The following KCNMA1 variants were observed in gnomAD, a reference collection of about 807,000 sequenced individuals.
KCNMA1 encodes the protein Calcium-activated potassium channel subunit alpha-1.
Under a neutral mutation model 140.0 loss-of-function variants are expected in KCNMA1, and 29 were observed. That is an observed-to-expected ratio of 0.21 (90% CI 0.15 to 0.28). The LOEUF is 0.28. KCNMA1 is among the 10% of genes least tolerant of loss of function. The pLI is 1.00. For missense variants in KCNMA1, 880 were observed against 1,602.2 expected (o/e 0.55, Z 7.70); for synonymous variants, 612 against 611.9 (o/e 1.00, Z 0.00).
intron 1 of KCNMA1, among the ~76,000 whole-genome samples, chr10:77,605,606 G>A (rs2084212218): frequency 6.6e-6 from 1 of 152,174 alleles, no homozygotes. Flanking sequence ...CCTCTGCTGG[G>A]ACAGTCGTCA....
chr10:77,083,854 G>T (rs1023601627), intron 12 of KCNMA1, among the ~76,000 whole-genome samples: 3 of 151,380 alleles, frequency 2.0e-5, no homozygotes, highest in East Asian at 3.9e-4. Context: ...AAACGGGGGG[G>T]GGTTGGGGGA....
At chr10:77,045,722 T>A (rs1204728280) in intron 14 of KCNMA1, among the ~76,000 whole-genome samples, 1 of 152,184 alleles carries the variant, frequency 6.6e-6, no homozygotes, top group Non-Finnish European at 1.5e-5. Flanking sequence ...TTCCTCTGAT[T>A]AGAGTGAAAC....
At chr10:77,250,457 C>A (rs2059453839) in intron 3 of KCNMA1, 1 of 152,596 alleles carries the variant, frequency 6.6e-6, no homozygotes, top group Non-Finnish European at 1.5e-5. Context: ...GGAATCAGGG[C>A]AGAACTGGCT....
At chr10:77,214,791 C>T (rs528069811) in intron 3 of KCNMA1, among the ~76,000 whole-genome samples, 3 of 152,304 alleles carry the variant, frequency 2.0e-5, no homozygotes, top group African/African-American at 7.2e-5. Flanking sequence ...TCTGCCATCT[C>T]CTTGCCCTGT....
chr10:76,960,034 T>C (rs1401346770), intron 20 of KCNMA1, among the ~76,000 whole-genome samples: 3 of 152,188 alleles, frequency 2.0e-5, no homozygotes, highest in Admixed American at 6.5e-5. Flanking sequence ...CCTCCCACTT[T>C]AAGGAGGCAG....
intron 18 of KCNMA1, 91 bp from the exon 19 acceptor site, chr10:77,001,671 G>T: frequency 9.9e-7 from 1 of 1,013,800 alleles, no homozygotes; most frequent in Non-Finnish European, 1.5e-6. Flanking sequence ...GAGCTGAAGG[G>T]ATTTAACACA....
At chr10:76,925,875 T>A (rs1335811484) in intron 23 of KCNMA1, among the ~76,000 whole-genome samples, 1 of 152,160 alleles carries the variant, frequency 6.6e-6, no homozygotes, top group Non-Finnish European at 1.5e-5. Context: ...TGCCAAGTGA[T>A]CCAAGGCCTT....
intron 5 of KCNMA1, among the ~76,000 whole-genome samples, chr10:77,167,416 A>T (rs1490639131): frequency 2.6e-5 from 4 of 152,130 alleles, no homozygotes; most frequent in Non-Finnish European, 5.9e-5. Context: ...TGTCCCTGTA[A>T]GCATTTGTGT....
At chr10:77,326,250 G>A (rs941716298) in intron 2 of KCNMA1, among the ~76,000 whole-genome samples, 2 of 152,010 alleles carry the variant, frequency 1.3e-5, no homozygotes, top group African/African-American at 4.8e-5. Flanking sequence ...ATCACTCTCT[G>A]GAGCTTAGCT....
At chr10:77,298,093 T>C (rs2154327408) in intron 2 of KCNMA1, among the ~76,000 whole-genome samples, 1 of 152,316 alleles carries the variant, frequency 6.6e-6, no homozygotes, top group African/African-American at 2.4e-5. Flanking sequence ...CCAAGAATTG[T>C]ATCGTAAGAA....
At chr10:77,583,998 T>C (rs1046663436) in intron 1 of KCNMA1, among the ~76,000 whole-genome samples, 1 of 152,230 alleles carries the variant, frequency 6.6e-6, no homozygotes, top group African/African-American at 2.4e-5. Flanking sequence ...GGGCTGGATT[T>C]ATGGGGTAAG....
rs1479328833 is a variant in KCNMA1, at chr10:77,010,391, G to A, written c.2092+1576C>T. On this transcript the variant is annotated intron_variant, in intron 18 of 27. Coordinates refer to ENST00000286628, the MANE Select transcript of KCNMA1 (RefSeq NM_001161352.2). ...CATGGGGTCTGTGGGGGTTGAATGG[G>A]GAGTGAGGTTCATTCTAGGCCTTGT... 2.6e-5 allele frequency among the ~76,000 whole-genome samples: 4 copies of A among 151,796 alleles called. No individual in the cohort carries two copies. The East Asian group carries it at 7.8e-4, about 30-fold the overall frequency.
chr10:77,367,458 A>C (rs560542398), intron 2 of KCNMA1, among the ~76,000 whole-genome samples: 1 of 152,290 alleles, frequency 6.6e-6, no homozygotes, highest in South Asian at 2.1e-4. Flanking sequence ...TGTTCCCAAG[A>C]GCCCCAGCAT....
chr10:77,312,284 G>A (rs993337490), intron 2 of KCNMA1, among the ~76,000 whole-genome samples: 13 of 152,214 alleles, frequency 8.5e-5, no homozygotes, highest in African/African-American at 2.2e-4. Context: ...AAAGAGGAGT[G>A]TAGCATGAGA....
intron 1 of KCNMA1, among the ~76,000 whole-genome samples, chr10:77,452,145 G>A (rs796880793): frequency 3.9e-5 from 6 of 152,200 alleles, no homozygotes; most frequent in African/African-American, 1.2e-4. Flanking sequence ...GCCTCTGGAA[G>A]GAGGAAGGAA....
intron 19 of KCNMA1, among the ~76,000 whole-genome samples, chr10:76,980,780 A>G (rs540492532): frequency 6.6e-6 from 1 of 152,274 alleles, no homozygotes; most frequent in East Asian, 1.9e-4. Context: ...ACTCAAGTGT[A>G]CCATCCCCGA....
At chr10:77,435,175 C>T (rs1198953524) in intron 1 of KCNMA1, among the ~76,000 whole-genome samples, 1 of 151,926 alleles carries the variant, frequency 6.6e-6, no homozygotes. Flanking sequence ...TAGGCTCAAG[C>T]GATCTTCCCG....
Position 77,423,913 on chromosome 10 carries a change from A to C in KCNMA1, c.379-19890T>G, listed in dbSNP as rs531193029. Among the ~76,000 whole-genome samples, 4 of 152,252 alleles carry C rather than the reference A, an allele frequency of 2.6e-5. No homozygotes were observed. The East Asian group carries it at 7.7e-4, about 29-fold the overall frequency. ...TCCCAAGGCCAGCATGTAATTTCAA[A>C]TGTCCAGTCCATCCATGAACAATAT... On this transcript the variant is annotated intron_variant, in intron 1 of 27. Coordinates refer to ENST00000286628, the MANE Select transcript of KCNMA1 (RefSeq NM_001161352.2).
At chr10:77,542,214 A>T (rs1456527165) in intron 1 of KCNMA1, among the ~76,000 whole-genome samples, 3 of 152,228 alleles carry the variant, frequency 2.0e-5, no homozygotes, top group Non-Finnish European at 1.5e-5. Flanking sequence ...AATTGTGAGA[A>T]ATAAATTTCT....
Sources: gnomAD v4.1 joint callset for allele counts (sites outside exome capture counted in the v4.1 genomes callset) on GRCh38, gnomAD v4.1.1 for gene constraint, MANE v1.5 for transcripts, NCBI Gene and HGNC (gene_info 2026-07-23, HGNC 2026-07-21) for gene names.